Variants in WNT7B observed in about 807,000 individuals in gnomAD.
The protein encoded by WNT7B is Wnt family member 7B.
A neutral mutation model predicts 38.2 loss-of-function variants in WNT7B; 19 were observed. The observed-to-expected ratio is 0.50, with a 90% CI of 0.35 to 0.73. The LOEUF (loss-of-function observed/expected upper bound fraction) is 0.73. Ranked by LOEUF, WNT7B falls within the 30% of genes least tolerant of loss-of-function variation. The probability of loss-of-function intolerance (pLI) is 0.01; values close to 1 mark genes in which losing one functional copy is unlikely to be tolerated. For synonymous variants in WNT7B, 243 were observed against 209.3 expected (o/e 1.16, Z -1.39); for missense variants, 423 against 507.9 (o/e 0.83, Z 1.61).
intron 2 of WNT7B, among the ~76,000 whole-genome samples, chr22:45,945,629 C>A (rs1931776578): frequency 6.6e-6 from 1 of 152,252 alleles, no homozygotes; most frequent in African/African-American, 2.4e-5. Flanking sequence ...GCCCTCGAGA[C>A]CTCGTCCCTG....
intron 1 of WNT7B, among the ~76,000 whole-genome samples, chr22:45,961,721 C>T (rs2146745556): frequency 6.6e-6 from 1 of 152,282 alleles, no homozygotes; most frequent in African/African-American, 2.4e-5. Context: ...CCCTGCCCCT[C>T]CCTGCCTCAG....
chr22:45,936,484 C>A (rs1464170503), intron 2 of WNT7B, among the ~76,000 whole-genome samples: 1 of 152,262 alleles, frequency 6.6e-6, no homozygotes, highest in Non-Finnish European at 1.5e-5. Context: ...CCCCTCAAAT[C>A]CAGAGTATCA....
At chr22:45,944,430 G>C (rs888367682) in intron 2 of WNT7B, among the ~76,000 whole-genome samples, 1 of 152,192 alleles carries the variant, frequency 6.6e-6, no homozygotes, top group Non-Finnish European at 1.5e-5. Flanking sequence ...CCCCGGCCTC[G>C]TCCCACCCTG....
At chr22:45,972,139 C>G (rs1265524815) in intron 1 of WNT7B, 12 of 612,612 alleles carry the variant, frequency 2.0e-5, no homozygotes, top group Non-Finnish European at 3.2e-5. Flanking sequence ...CCCCGCACGC[C>G]GCCCGCGGCA....
intron 1 of WNT7B, among the ~76,000 whole-genome samples, chr22:45,955,404 GT>G (rs1833432343): frequency 6.6e-6 from 1 of 152,228 alleles, no homozygotes; most frequent in Non-Finnish European, 1.5e-5. Context: ...AGCCGTGCGG[GT>G]AGTGTGCTGG....
chr22:45,972,116 G>GGGGGGGCCCCCCCCCCCCCCCCCCCC, intron 1 of WNT7B: 1 of 530,746 alleles, frequency 1.9e-6, no homozygotes, highest in Non-Finnish European at 3.3e-6. Flanking sequence ...CCCGGGGGGA[G>GGGGGGGCCCCCCCCCCCCCCCCCCCC]CCCACCCGCC....
intron 2 of WNT7B, among the ~76,000 whole-genome samples, chr22:45,943,068 C>T (rs1051150211): frequency 1.9e-4 from 28 of 151,066 alleles, no homozygotes; most frequent in African/African-American, 5.8e-4. Flanking sequence ...GTGCAGTGTG[C>T]ACATGTGTGC....
chr22:45,964,839 C>T (rs189069835), intron 1 of WNT7B, among the ~76,000 whole-genome samples: 238 of 152,292 alleles, frequency 1.6e-3, no homozygotes, highest in African/African-American at 5.3e-3. Context: ...TAGACCTGGC[C>T]AAGCACACTC....
intron 2 of WNT7B, among the ~76,000 whole-genome samples, chr22:45,938,682 A>C (rs754503077): frequency 1.3e-5 from 2 of 152,094 alleles, no homozygotes; most frequent in Non-Finnish European, 2.9e-5. Context: ...GGAAGGAGTG[A>C]GGTGTAGTGT....
At position 45,922,853 on chromosome 22, in the gene WNT7B, G is replaced by A. The variant is rs373580692; in HGVS notation, c.*3C>T. On this transcript the variant is annotated 3_prime_UTR_variant, in exon 4 of 4. Transcript: ENST00000339464. ...GTGCCCGCGGCCGCCTCCGGGCCTG[G>A]CCTCACTTGCAGGTGAAGACCTCGG... The A allele has an allele frequency of 2.5e-6, 4 of 1,591,862 alleles. No individual in the cohort carries two copies. Among genetic ancestry groups the A allele is most frequent in the Admixed American group, 3.4e-5 (2 of 59,428 alleles).
chr22:45,931,771 T>C lies in WNT7B; in HGVS notation c.299-402A>G, dbSNP rs372857700. Among the ~76,000 whole-genome samples, 503 of 152,270 alleles carry C rather than the reference T, an allele frequency of 3.3e-3. 4 individuals are homozygous for C. The highest frequency in any genetic ancestry group is 0.012 in the African/African-American group (482 of 41,560). On this transcript the variant is annotated intron_variant, in intron 2 of 3. Coordinates refer to ENST00000339464, the MANE Select transcript of WNT7B (RefSeq NM_058238.3). ...GGAGGGGGATGGGTGTCCATGCCTC[T>C]GCTCCTCCCCTCTGCCAGCCTCCCA...
At chr22:45,962,607 G>T (rs938274928) in intron 1 of WNT7B, among the ~76,000 whole-genome samples, 1 of 152,238 alleles carries the variant, frequency 6.6e-6, no homozygotes, top group Non-Finnish European at 1.5e-5. Context: ...TGAGGAAGCC[G>T]TTGGGACTGA....
At chr22:45,925,230 C>T (rs1048086562) in intron 3 of WNT7B, 23 of 980,822 alleles carry the variant, frequency 2.3e-5, no homozygotes, top group Non-Finnish European at 2.7e-5. Flanking sequence ...AAAGTCTCAT[C>T]AGGTGGGTGC....
rs771715347 is a variant in WNT7B at position 45,923,181 on chromosome 22, C to T, written c.725G>A (p.Arg242Gln). ...YNAAVQVEVV[R>Q]ASRLRQPTFL... ...GGTGGGCTGCCGCAGACGGCTGGCCCGCACCACCTCCACCTGCACGGCCGC... is the reference window on the plus strand; with the variant it reads ...GGTGGGCTGCCGCAGACGGCTGGCCTGCACCACCTCCACCTGCACGGCCGC... Residue 242 changes from arginine (R) to glutamine (Q), a missense_variant, in exon 4 of 4, where the codon CGG (arginine) becomes CAG (glutamine). Physicochemically the swap from Arg to Gln is conservative, Grantham distance 43 (BLOSUM62 1). Transcript: ENST00000339464. 3.7e-6 allele frequency: 6 copies of T among 1,612,992 alleles called. No homozygotes were observed. The highest frequency in any genetic ancestry group is 3.3e-5 in the Admixed American group (2 of 60,006).
chr22:45,948,028 C>A (rs889826294), intron 2 of WNT7B, among the ~76,000 whole-genome samples: 14 of 152,206 alleles, frequency 9.2e-5, no homozygotes, highest in Non-Finnish European at 1.9e-4. Flanking sequence ...AGCTCCCAGC[C>A]CTCTGTCGAG....
chr22:45,927,347 A>G (rs1931117481), intron 3 of WNT7B: 5 of 1,467,878 alleles, frequency 3.4e-6, no homozygotes, highest in Non-Finnish European at 4.5e-6. Context: ...TTGGTCTGGT[A>G]GAAGTGGGGG....
At chr22:45,971,464 C>T (rs1441520703) in intron 1 of WNT7B, among the ~76,000 whole-genome samples, 1 of 152,200 alleles carries the variant, frequency 6.6e-6, no homozygotes, top group Non-Finnish European at 1.5e-5. Flanking sequence ...CTCAGAGCCC[C>T]GTGGGCTCTG....
chr22:45,959,388 G>A (rs751883369), intron 1 of WNT7B, among the ~76,000 whole-genome samples: 2 of 152,184 alleles, frequency 1.3e-5, no homozygotes, highest in Non-Finnish European at 2.9e-5. Context: ...TAAAACTGGG[G>A]GATGGGGTGG....
At chr22:45,925,668 G>A in intron 3 of WNT7B, 4 of 985,364 alleles carry the variant, frequency 4.1e-6, no homozygotes, top group Non-Finnish European at 4.8e-6. Context: ...CCACTAACCT[G>A]CCCTTCAGGC....
Sources: gnomAD v4.1 joint callset for allele counts (sites outside exome capture counted in the v4.1 genomes callset) on GRCh38, gnomAD v4.1.1 for gene constraint, MANE v1.5 for transcripts, NCBI Gene and HGNC (gene_info 2026-07-23, HGNC 2026-07-21) for gene names.